The following BICDL1 variants were observed in gnomAD, a reference collection of about 807,000 sequenced individuals.
BICDL1 encodes BICD family-like cargo adapter 1.
BICDL1 carries 20 observed loss-of-function variants against 76.8 expected under a neutral mutation model. The observed-to-expected ratio is 0.26, with a 90% CI of 0.18 to 0.38. The LOEUF (loss-of-function observed/expected upper bound fraction) is 0.38. Ranked by LOEUF, BICDL1 falls within the 10% of genes least tolerant of loss-of-function variation. BICDL1 has a pLI of 1.00. For missense variants in BICDL1, 700 were observed against 798.6 expected (o/e 0.88, Z 1.49); for synonymous variants, 383 against 337.1 (o/e 1.14, Z -1.49).
intron 7 of BICDL1, among the ~76,000 whole-genome samples, chr12:120,075,478 T>TC: frequency 6.6e-6 from 1 of 152,046 alleles, no homozygotes; most frequent in East Asian, 1.9e-4. Flanking sequence ...ATTGCAGCCT[T>TC]GACTTCTAGG....
At position 120,054,899 on chromosome 12, in the gene BICDL1, G is replaced by A. The variant is rs764261244; in HGVS notation, c.646-6811G>A. On this transcript the variant is annotated intron_variant, in intron 2 of 9. Transcript: ENST00000548673. ...CATCTCAAATAATAATAATAACGTA[G>A]GAATGCTATTGATACAATGCTAAGT... Among the ~76,000 whole-genome samples the A allele has an allele frequency of 9.2e-5, 14 of 152,006 alleles. No homozygotes were observed. The South Asian group carries it at 1.2e-3, about 14-fold the overall frequency.
chr12:120,002,193 A>G (rs548229640), intron 2 of BICDL1, among the ~76,000 whole-genome samples: 7 of 152,180 alleles, frequency 4.6e-5, no homozygotes, highest in East Asian at 1.9e-4. Flanking sequence ...AAGGACGCCA[A>G]CCATATTGGA....
In BICDL1 at chr12:120,074,502, C is replaced by T. The variant is rs1370021291; in HGVS notation, c.1368C>T (p.Asp456=). The T allele has an allele frequency of 2.3e-6, 3 of 1,281,500 alleles. No homozygotes were observed. Among genetic ancestry groups the T allele is most frequent in the Admixed American group, 2.4e-5 (1 of 42,100 alleles). The allele number at this position is 1,281,500 out of a possible 1,614,324, so 79.4% of individuals were successfully genotyped here. A position where few individuals can be genotyped will look rare whatever the true frequency, so the allele number is the denominator to read the frequency against. ...AACAGATAAGGCAGACCAGTGAGGA[C>T]TCGAGAGCCCTAAGGGAGCTCATGG... ...LEEQIRQTSE[D]SRALRELMEG... Residue 456 remains aspartate, a synonymous_variant, in exon 7 of 10, where the codon GAC becomes GAT. Coordinates refer to ENST00000548673, the MANE Select transcript of BICDL1 (RefSeq NM_001367886.1).
In BICDL1 at chr12:120,092,046, G is replaced by A. The variant is rs530303129; in HGVS notation, c.1705-954G>A. The A allele has an allele frequency of 6.1e-6, 6 of 985,444 alleles. No homozygotes were observed. The East Asian group carries it at 3.4e-4, about 56-fold the overall frequency. 61.0% of individuals were successfully genotyped at this position (985,444 alleles called of 1,614,324 possible). A position where few individuals can be genotyped will look rare whatever the true frequency, so the allele number is the denominator to read the frequency against. On this transcript the variant is annotated intron_variant, in intron 9 of 9. Coordinates refer to ENST00000548673, the MANE Select transcript of BICDL1 (RefSeq NM_001367886.1). ...GCCAGGTTCAAGTCATGAAGGAATC[G>A]AGCAGACACATGTTACATTTACTGA...
chr12:120,000,043 T>C (rs1566204693), intron 2 of BICDL1: 2 of 168,230 alleles, frequency 1.2e-5, no homozygotes, highest in South Asian at 1.3e-4. Flanking sequence ...TGTAGTTGCT[T>C]CCTGTGGTTA....
intron 2 of BICDL1, 114 bp downstream of exon 2, chr12:119,998,850 C>T: frequency 1.0e-6 from 1 of 984,400 alleles, no homozygotes; most frequent in Non-Finnish European, 1.5e-6. Flanking sequence ...GGGAGAAGCA[C>T]TTCAGACCAA....
intron 2 of BICDL1, among the ~76,000 whole-genome samples, chr12:120,001,860 A>C (rs1227320899): frequency 3.3e-5 from 5 of 152,142 alleles, no homozygotes; most frequent in Non-Finnish European, 7.3e-5. Flanking sequence ...GACTAGCCTG[A>C]ACTATACAGT....
In BICDL1 at chr12:119,989,851, G is replaced by T; in HGVS notation, c.-18G>T. ...CGCGGGCCGGGCCGCACCGCTGCGG[G>T]CTCCGCGCGCGCGGGCCATGTCCGC... On this transcript the variant is annotated 5_prime_UTR_variant, in exon 1 of 10. Coordinates refer to ENST00000548673, the MANE Select transcript of BICDL1 (RefSeq NM_001367886.1). 1 of 1,326,638 alleles carries T rather than the reference G, an allele frequency of 7.5e-7. No individual in the cohort carries two copies. The highest frequency in any genetic ancestry group is 9.5e-7 in the Non-Finnish European group (1 of 1,048,800). 82.2% of individuals were successfully genotyped at this position (1,326,638 alleles called of 1,614,324 possible).
At chr12:120,057,818 CTTTTTTTTTTT>C (rs143777152) in intron 2 of BICDL1, among the ~76,000 whole-genome samples, 95 of 78,334 alleles carry the variant, frequency 1.2e-3, no homozygotes, top group African/African-American at 4.1e-3. Context: ...GCGATTCCTG[CTTTTTTTTTTT>C]TTTTTTTTTT....
chr12:119,999,689 A>G (rs1307753746), intron 2 of BICDL1: 1 of 348,862 alleles, frequency 2.9e-6, no homozygotes, highest in Non-Finnish European at 5.5e-6. Flanking sequence ...TCTAATTTAA[A>G]TACAGAACAT....
chr12:120,006,112 T>A (rs1467522590), intron 2 of BICDL1, among the ~76,000 whole-genome samples: 2 of 152,138 alleles, frequency 1.3e-5, no homozygotes, highest in East Asian at 3.8e-4. Flanking sequence ...GTAATTATCA[T>A]CACAAAAGTC....
intron 2 of BICDL1, among the ~76,000 whole-genome samples, chr12:120,003,286 T>A (rs1951793856): frequency 1.3e-5 from 2 of 152,214 alleles, no homozygotes; most frequent in Admixed American, 1.3e-4. Flanking sequence ...ATGAATACTG[T>A]TAGACTGTAA....
At chr12:120,013,918 C>T (rs947272952) in intron 2 of BICDL1, among the ~76,000 whole-genome samples, 2 of 152,134 alleles carry the variant, frequency 1.3e-5, no homozygotes, top group African/African-American at 4.8e-5. Flanking sequence ...TGGAAACCCC[C>T]GCATATTACA....
chr12:120,032,211 A>G (rs1000420934), intron 2 of BICDL1, among the ~76,000 whole-genome samples: 1 of 152,224 alleles, frequency 6.6e-6, no homozygotes, highest in Non-Finnish European at 1.5e-5. Context: ...TTTTGAGAAA[A>G]TGAGTCCAGA....
chr12:119,993,375 G>A (rs1951568482), intron 1 of BICDL1: 1 of 152,000 alleles, frequency 6.6e-6, no homozygotes, highest in Admixed American at 6.6e-5. Flanking sequence ...AGATTTTGTT[G>A]TTTTCATTTC....
At chr12:120,089,473 TCTC>T (rs1024015142) in intron 8 of BICDL1, among the ~76,000 whole-genome samples, 10 of 152,040 alleles carry the variant, frequency 6.6e-5, no homozygotes, top group African/African-American at 2.2e-4. Context: ...GCAACCTCCT[TCTC>T]CTGGGTTCAA....
chr12:120,092,768 TGAG>T (rs779966437), intron 9 of BICDL1: 1,247 of 985,428 alleles, frequency 1.3e-3, no homozygotes, highest in Non-Finnish European at 1.4e-3. Context: ...GTAACACTGT[TGAG>T]GAGAACCCAG....
At chr12:120,074,868 A>T (rs1194373140) in intron 7 of BICDL1, among the ~76,000 whole-genome samples, 1 of 152,212 alleles carries the variant, frequency 6.6e-6, no homozygotes, top group Non-Finnish European at 1.5e-5. Flanking sequence ...TCTGACTGGT[A>T]GATGCTGACA....
chr12:120,038,367 G>A (rs1039814901), intron 2 of BICDL1, among the ~76,000 whole-genome samples: 1 of 152,096 alleles, frequency 6.6e-6, no homozygotes, highest in African/African-American at 2.4e-5. Flanking sequence ...TCAGTAATAA[G>A]AAATGACTTA....
Sources: allele counts gnomAD v4.1 joint callset (sites outside exome capture counted in the v4.1 genomes callset), GRCh38; gene constraint gnomAD v4.1.1; transcripts MANE v1.5; gene names NCBI Gene and HGNC (gene_info 2026-07-23, HGNC 2026-07-21).